Variants in FAT1 observed in about 807,000 individuals in gnomAD.
FAT1 encodes the protein FAT atypical cadherin 1, also known as protocadherin Fat 1.
Under a neutral mutation model 329.8 loss-of-function variants are expected in FAT1, and 171 were observed. The ratio of observed to expected loss-of-function variants is 0.52; its 90% CI spans 0.46 to 0.59. FAT1 has a LOEUF of 0.59. Among genes scored for constraint, FAT1 ranks in the 20% least tolerant of loss-of-function variants. The pLI, the probability that FAT1 is intolerant of heterozygous loss-of-function variation, is 0.00. For synonymous variants in FAT1, 2,233 were observed against 2,228.6 expected (o/e 1.00, Z -0.06); for missense variants, 5,672 against 5,774.4 (o/e 0.98, Z 0.57).
intron 2 of FAT1, among the ~76,000 whole-genome samples, chr4:186,701,024 A>G (rs2126674433): frequency 6.6e-6 from 1 of 152,254 alleles, no homozygotes. Context: ...CTGCTCCACA[A>G]CGTGGGACGG....
At position 186,591,766 on chromosome 4, in the gene FAT1, A is replaced by G. The variant is rs551768017; in HGVS notation, c.13139-2546T>C. On this transcript the variant is annotated intron_variant, in intron 26 of 26. Transcript: ENST00000441802. ...GTCATCAGTAACTATAACCATGAAC[A>G]CTGGAGTATCTAAGCCTCTTCTGCC... Among the ~76,000 whole-genome samples, 61 of 152,278 alleles carry G rather than the reference A, an allele frequency of 4.0e-4. 1 individual carries two copies. Among genetic ancestry groups the G allele is most frequent in the African/African-American group, 1.4e-3 (58 of 41,542 alleles).
At chr4:186,669,109 T>A (rs1243358589) in intron 2 of FAT1, among the ~76,000 whole-genome samples, 2 of 152,178 alleles carry the variant, frequency 1.3e-5, no homozygotes, top group African/African-American at 4.8e-5. Flanking sequence ...TTCTCTGCGG[T>A]CTCCCTCCTG....
At chr4:186,643,950 T>C (rs540309483) in intron 3 of FAT1, among the ~76,000 whole-genome samples, 1 of 152,288 alleles carries the variant, frequency 6.6e-6, no homozygotes, top group Non-Finnish European at 1.5e-5. Context: ...ATCTGCAATA[T>C]TTTTTGCCAA....
rs1232274600 is a variant in FAT1 at position 186,596,340 on chromosome 4, TTTC to T, written c.13000+197_13000+199del. 6.6e-6 allele frequency among the ~76,000 whole-genome samples: 1 copy of T among 152,196 alleles called. No homozygotes were observed. On this transcript the variant is annotated intron_variant, in intron 25 of 26. Coordinates refer to ENST00000441802, the MANE Select transcript of FAT1 (RefSeq NM_005245.4). The surrounding 1 kb of genome is among the most constrained non-coding windows in gnomAD (Gnocchi z 4.7). ...ATTAACTAAACATGACTAGATTCAA[TTTC>T]TTAATTAAAATAACATCAAAGCCAC...
chr4:186,607,478 AG>A (rs1157379011), intron 16 of FAT1, among the ~76,000 whole-genome samples: 1 of 147,376 alleles, frequency 6.8e-6, no homozygotes, highest in Non-Finnish European at 1.5e-5. Context: ...TGGGTGGGTG[AG>A]CAAATGGGTA....
Position 186,663,577 on chromosome 4 carries a change from G to A in FAT1, c.3302C>T (p.Ser1101Leu), listed in dbSNP as rs762519380. 13 of 1,611,162 alleles carry A rather than the reference G, an allele frequency of 8.1e-6. No individual in the cohort carries two copies. The highest frequency in any genetic ancestry group is 3.3e-4 in the Middle Eastern group (2 of 6,084). The change falls in exon 3 of 27, where the codon TCG becomes TTG. Residue 1101 changes from serine to leucine, a missense_variant. Ser to Leu is a moderately radical substitution (Grantham distance 145). Coordinates refer to ENST00000441802, the MANE Select transcript of FAT1 (RefSeq NM_005245.4). ...GACTGTTAGCCAATAATGGGAGGTC[G>A]ATTCACGGTCCAGTCGATCTGACGT... ...IETSDRLDRE[S>L]TSHYWLTVFA...
At position 186,628,522 on chromosome 4, in the gene FAT1, T is replaced by A; in HGVS notation, c.4565A>T (p.His1522Leu). The A allele has an allele frequency of 1.1e-5, 18 of 1,614,048 alleles. No individual in the cohort carries two copies. The highest frequency in any genetic ancestry group is 1.5e-5 in the Non-Finnish European group (18 of 1,179,896). ...GSLYTSEKLD[H>L]EAVHQHTLTV... ...GAGGGTGTGCTGGTGAACAGCTTCA[T>A]GATCCAGTTTCTCAGAAGTATAGAG... Residue 1522 changes from histidine to leucine, a missense_variant, in exon 8 of 27, where the codon CAT becomes CTT. His to Leu is a moderately conservative substitution (Grantham distance 99). This residue lies in a region of FAT1 where 3,966 missense variants were observed against 3,915.2 expected (regional missense o/e 1.01). Coordinates refer to ENST00000441802, the MANE Select transcript of FAT1 (RefSeq NM_005245.4).
At chr4:186,724,763 G>A (rs1252085563), upstream of FAT1, among the ~76,000 whole-genome samples, 1 of 152,234 alleles carries the variant, frequency 6.6e-6, no homozygotes, top group East Asian at 1.9e-4. This position sits in a 1 kb window ranked among gnomAD's most constrained non-coding sequence, Gnocchi z 5.3. Context: ...CGGAGGGCCG[G>A]AGGCGCTGGG....
rs180814718 is a variant in FAT1, at chr4:186,673,396, G to A, written c.3266-9783C>T. ...TGTACTTTCATTTTTAAGTATTTCTGTTTCATTTGAGTAGATATATGACAA... is the reference window on the plus strand; with the variant it reads ...TGTACTTTCATTTTTAAGTATTTCTATTTCATTTGAGTAGATATATGACAA... On this transcript the variant is annotated intron_variant, in intron 2 of 26. Transcript: ENST00000441802. Among the ~76,000 whole-genome samples, 138 of 152,166 alleles carry A rather than the reference G, an allele frequency of 9.1e-4. 2 individuals are homozygous for A. The highest frequency in any genetic ancestry group is 3.9e-3 in the Admixed American group (59 of 15,290).
intron 1 of FAT1, among the ~76,000 whole-genome samples, chr4:186,713,473 G>A (rs968525782): frequency 6.6e-6 from 1 of 150,840 alleles, no homozygotes; most frequent in African/African-American, 2.4e-5. Flanking sequence ...TCCTGACCAC[G>A]TGACTGAGGT....
At chr4:186,683,117 C>T (rs543308823) in intron 2 of FAT1, among the ~76,000 whole-genome samples, 1 of 152,260 alleles carries the variant, frequency 6.6e-6, no homozygotes, top group African/African-American at 2.4e-5. Flanking sequence ...GCTATTATTC[C>T]CTCTGATTAA....
rs1483889159 is a variant in FAT1, at chr4:186,588,352, A to C, written c.*240T>G. The C allele has an allele frequency of 2.0e-6, 1 of 505,958 alleles. No individual in the cohort carries two copies. The highest frequency in any genetic ancestry group is 3.5e-6 in the Non-Finnish European group (1 of 288,752). 31.3% of individuals were successfully genotyped at this position (505,958 alleles called of 1,614,324 possible). A position where few individuals can be genotyped will look rare whatever the true frequency, so the allele number is the denominator to read the frequency against. On this transcript the variant is annotated 3_prime_UTR_variant, in exon 27 of 27. Transcript: ENST00000441802. ...GACTGATTTTTCGTTTGATTATTTTAACACAGACAGATGTAAATCCCAAAA... is the reference window on the plus strand; with the variant it reads ...GACTGATTTTTCGTTTGATTATTTTCACACAGACAGATGTAAATCCCAAAA...
chr4:186,620,538 G>T lies in FAT1; in HGVS notation c.6048C>A (p.Ile2016=). ...TTTTAAATCTGCGATCTGGGTTGAGGATGTGATAAAACAAAGGCTCATTGA... is the reference window on the plus strand; with the variant it reads ...TTTTAAATCTGCGATCTGGGTTGAGTATGTGATAAAACAAAGGCTCATTGA... ...NPINEPLFYH[I]LNPDRRFKIS... is the part of the protein sequence containing the mutation. The change falls in exon 10 of 27, where the codon ATC becomes ATA. Residue 2016 remains isoleucine (I), a synonymous_variant. Transcript: ENST00000441802. 1.2e-6 allele frequency: 2 copies of T among 1,613,974 alleles called. No individual in the cohort carries two copies. The highest frequency in any genetic ancestry group is 1.7e-6 in the Non-Finnish European group (2 of 1,179,888).
intron 26 of FAT1, among the ~76,000 whole-genome samples, chr4:186,595,291 G>A (rs1420451402): frequency 7.0e-6 from 1 of 142,134 alleles, no homozygotes; most frequent in Admixed American, 6.8e-5. Flanking sequence ...TCTCTTCTTA[G>A]AGGGGGTGTG....
chr4:186,621,856 T>C, intron 9 of FAT1, 81 bp from the exon 10 acceptor site: 1 of 849,332 alleles, frequency 1.2e-6, no homozygotes, highest in Non-Finnish European at 1.7e-6. Flanking sequence ...AGAAACAAAG[T>C]ATCCTTAAAA....
At chr4:186,654,890 C>T (rs111319865) in intron 3 of FAT1, among the ~76,000 whole-genome samples, 237 of 148,628 alleles carry the variant, frequency 1.6e-3, no homozygotes, top group African/African-American at 5.7e-3. Context: ...GCCTGGACGA[C>T]AGAGTGATAC....
Position 186,639,706 on chromosome 4 carries a change from T to TAAA in FAT1, c.3642+13_3642+15dup. On this transcript the variant is annotated intron_variant, in intron 4 of 26. Coordinates refer to ENST00000441802, the MANE Select transcript of FAT1 (RefSeq NM_005245.4). Reference sequence around the variant, plus strand: ...ACTACGAATCTTTAAGTATTAAAGATAAAAAAAAAACTTACCTCTAATATG... The same window carrying TAAA: ...ACTACGAATCTTTAAGTATTAAAGATAAAAAAAAAAAAACTTACCTCTAATATG... 5 of 1,412,276 alleles carry TAAA rather than the reference T, an allele frequency of 3.5e-6. No homozygotes were observed. The highest frequency in any genetic ancestry group is 4.8e-6 in the Non-Finnish European group (5 of 1,032,374). The allele number at this position is 1,412,276 out of a possible 1,614,324, so 87.5% of individuals were successfully genotyped here.
Position 186,639,715 on chromosome 4 carries a change from A to C in FAT1, c.3642+7T>G, listed in dbSNP as rs2126571004. The C allele has an allele frequency of 1.3e-6, 2 of 1,597,704 alleles. No homozygotes were observed. The highest frequency in any genetic ancestry group is 1.7e-6 in the Non-Finnish European group (2 of 1,172,320). On this transcript the variant is annotated splice_region_variant and intron_variant, in intron 4 of 26. Transcript: ENST00000441802. ...CTTTAAGTATTAAAGATAAAAAAAA[A>C]ACTTACCTCTAATATGTGTTCATCT...
At position 186,618,741 on chromosome 4, in the gene FAT1, G is replaced by A. The variant is rs373652747; in HGVS notation, c.7845C>T (p.Val2615=). 10 of 1,613,858 alleles carry A rather than the reference G, an allele frequency of 6.2e-6. No individual in the cohort carries two copies. The Admixed American group carries it at 6.7e-5, about 11-fold the overall frequency. ...CGGCATCACTTGCAAGAACTTTAAC[G>A]ACTGAAGTCCCTTTAGCAGCACTGG... ...IGSSAAKGTS[V]VKVLASDADE... The change falls in exon 10 of 27, where the codon GTC becomes GTT. Residue 2615 remains valine (V), a synonymous_variant. Transcript: ENST00000441802.
Sources: allele counts gnomAD v4.1 joint callset (sites outside exome capture counted in the v4.1 genomes callset), GRCh38; gene constraint gnomAD v4.1.1; regional missense constraint gnomAD v4.1.1; non-coding constraint Gnocchi (gnomAD v3.1); transcripts MANE v1.5; gene names NCBI Gene and HGNC (gene_info 2026-07-23, HGNC 2026-07-21).